Variants in BAZ1A observed in about 807,000 individuals in gnomAD.
BAZ1A encodes the protein bromodomain adjacent to zinc finger domain protein 1A.
Under a neutral mutation model 185.2 loss-of-function variants are expected in BAZ1A, and 50 were observed. The observed-to-expected ratio is 0.27, with a 90% confidence interval of 0.22 to 0.34. The LOEUF (loss-of-function observed/expected upper bound fraction) is 0.34. Ranked by LOEUF, BAZ1A falls within the 10% of genes least tolerant of loss-of-function variation. The pLI, the probability that BAZ1A is intolerant of heterozygous loss-of-function variation, is 1.00. For synonymous variants in BAZ1A, 571 were observed against 615.6 expected (o/e 0.93, Z 1.07); for missense variants, 1,356 against 1,839.9 (o/e 0.74, Z 4.81).
chr14:34,847,541 A>G (rs943004669), intron 3 of BAZ1A, among the ~76,000 whole-genome samples: 1 of 152,116 alleles, frequency 6.6e-6, no homozygotes, highest in African/African-American at 2.4e-5. Context: ...TTTTTTCTTC[A>G]TATTTCTACT....
intron 4 of BAZ1A, among the ~76,000 whole-genome samples, chr14:34,811,269 TA>T (rs2041926790): frequency 6.6e-6 from 1 of 151,952 alleles, no homozygotes; most frequent in Non-Finnish European, 1.5e-5. Context: ...CTCAACCTCT[TA>T]AGTAGCTGGG....
rs900135769 is a variant in BAZ1A at position 34,856,495 on chromosome 14, T to C, written c.392+5549A>G. 3.3e-5 allele frequency among the ~76,000 whole-genome samples: 5 copies of C among 152,048 alleles called. No individual in the cohort carries two copies. In the South Asian group the frequency reaches 1.0e-3, roughly 32 times the overall value. On this transcript the variant is annotated intron_variant, in intron 3 of 26. Coordinates refer to ENST00000360310, the MANE Select transcript of BAZ1A (RefSeq NM_013448.3). ...AGAGACAGGGTCTCACCGTGTTGCCTAGGCTGCTTAGAGCATCTTAATTCT... is the reference window on the plus strand; with the variant it reads ...AGAGACAGGGTCTCACCGTGTTGCCCAGGCTGCTTAGAGCATCTTAATTCT...
At chr14:34,795,297 T>C (rs570878947) in intron 10 of BAZ1A, among the ~76,000 whole-genome samples, 53 of 152,360 alleles carry the variant, frequency 3.5e-4, no homozygotes, top group African/African-American at 1.3e-3. Flanking sequence ...AATTTTGATT[T>C]ACTGAAATTA....
chr14:34,823,585 G>A (rs930220705), intron 4 of BAZ1A, among the ~76,000 whole-genome samples: 1 of 151,624 alleles, frequency 6.6e-6, no homozygotes, highest in East Asian at 1.9e-4. Flanking sequence ...ACTTGAACCC[G>A]AGAGATGGGG....
In BAZ1A at chr14:34,783,385, T is replaced by C. The variant is rs536690592; in HGVS notation, c.1998-153A>G. Reference sequence around the variant, plus strand: ...TTCATAAGCTTTTTTTTTTTTTTTTTGAGACAGAGTTTCACTCTTCTGCCC... The same window carrying C: ...TTCATAAGCTTTTTTTTTTTTTTTTCGAGACAGAGTTTCACTCTTCTGCCC... On this transcript the variant is annotated intron_variant, in intron 15 of 26. Transcript: ENST00000360310. Among the ~76,000 whole-genome samples the C allele has an allele frequency of 8.6e-5, 13 of 150,480 alleles. No individual in the cohort carries two copies. In the South Asian group the frequency reaches 2.7e-3, roughly 32 times the overall value.
chr14:34,845,804 T>A (rs970951369), intron 3 of BAZ1A, among the ~76,000 whole-genome samples: 8 of 145,868 alleles, frequency 5.5e-5, no homozygotes, highest in Middle Eastern at 3.5e-3. Context: ...GGGGTTGCAG[T>A]GAGCCGAGAT....
chr14:34,772,106 C>T (rs1205571424), intron 20 of BAZ1A, among the ~76,000 whole-genome samples: 1 of 152,010 alleles, frequency 6.6e-6, no homozygotes, highest in African/African-American at 2.4e-5. Context: ...AGGTGCCCAC[C>T]ACCGTGCCCG....
intron 3 of BAZ1A, among the ~76,000 whole-genome samples, chr14:34,832,215 C>CACACATATATATATATAT: frequency 2.5e-4 from 22 of 89,702 alleles, no homozygotes; most frequent in African/African-American, 7.1e-4. Context: ...CACACACACA[C>CACACATATATATATATAT]ATATATATAT....
At chr14:34,804,163 A>G (rs1174187806) in intron 6 of BAZ1A, among the ~76,000 whole-genome samples, 4 of 152,100 alleles carry the variant, frequency 2.6e-5, no homozygotes, top group Admixed American at 1.3e-4. Context: ...GCGTGCCACC[A>G]CATCTGGCTA....
chr14:34,807,299 C>A, intron 6 of BAZ1A, 152 bp downstream of exon 6: 1 of 482,640 alleles, frequency 2.1e-6, no homozygotes, highest in Non-Finnish European at 3.5e-6. Flanking sequence ...GTAATTAATC[C>A]AATATTTTTC....
At chr14:34,790,756 G>C (rs1007337188) in intron 12 of BAZ1A, among the ~76,000 whole-genome samples, 44 of 152,154 alleles carry the variant, frequency 2.9e-4, no homozygotes, top group African/African-American at 1.1e-3. Flanking sequence ...TACTTACTTA[G>C]AGAGATACAT....
Position 34,806,333 on chromosome 14 carries a change from T to G in BAZ1A, c.726+1118A>C, listed in dbSNP as rs143393246. ...TTTTATTTTAAGTTCAGGGGTGCAT[T>G]TGCAGGTTTGTTACATAGTTAACGT... is the stretch of plus-strand genomic sequence containing the variant. On this transcript the variant is annotated intron_variant, in intron 6 of 26. Transcript: ENST00000360310. 2.2e-4 allele frequency among the ~76,000 whole-genome samples: 33 copies of G among 152,278 alleles called. No individual in the cohort carries two copies. The East Asian group carries it at 6.0e-3, about 28-fold the overall frequency.
At chr14:34,824,549 A>C (rs1163932020) in intron 4 of BAZ1A, among the ~76,000 whole-genome samples, 2 of 152,096 alleles carry the variant, frequency 1.3e-5, no homozygotes, top group African/African-American at 4.8e-5. Context: ...AACCTTCCTA[A>C]GTCTCAGGTT....
intron 12 of BAZ1A, 118 bp downstream of exon 12, chr14:34,792,657 A>C: frequency 8.4e-7 from 1 of 1,191,684 alleles, no homozygotes; most frequent in Non-Finnish European, 1.2e-6. Flanking sequence ...AACATCAGGT[A>C]ACCTGAACAA....
chr14:34,776,975 A>C (rs1460036575), intron 17 of BAZ1A, among the ~76,000 whole-genome samples: 2 of 152,198 alleles, frequency 1.3e-5, no homozygotes, highest in African/African-American at 4.8e-5. Context: ...GCCCAAGCAG[A>C]CTAATACACT....
Position 34,783,199 on chromosome 14 carries a change from C to T in BAZ1A, c.2031G>A (p.Glu677=), listed in dbSNP as rs771482768. Residue 677 remains glutamate, a synonymous_variant, in exon 16 of 27, where the codon GAG becomes GAA. Transcript: ENST00000360310. ...GTTTCTCTTTCATTTTTTGTTCTTGCTCCTTAAGTTTTTCTTCCTTCCTTT... is the reference window on the plus strand; with the variant it reads ...GTTTCTCTTTCATTTTTTGTTCTTGTTCCTTAAGTTTTTCTTCCTTCCTTT... ...IRKRKEEKLK[E]QEQKMKEKQE... 2 of 1,599,766 alleles carry T rather than the reference C, an allele frequency of 1.3e-6. No individual in the cohort carries two copies. The highest frequency in any genetic ancestry group is 1.7e-6 in the Non-Finnish European group (2 of 1,171,706).
chr14:34,834,828 A>G (rs1258299724), intron 3 of BAZ1A, among the ~76,000 whole-genome samples: 1 of 152,204 alleles, frequency 6.6e-6, no homozygotes, highest in Non-Finnish European at 1.5e-5. Context: ...AAAAAAACAG[A>G]GAATCATGAA....
Position 34,765,021 on chromosome 14 carries a change from C to T in BAZ1A, c.3549G>A (p.Lys1183=). 1 of 1,613,774 alleles carries T rather than the reference C, an allele frequency of 6.2e-7. No homozygotes were observed. The change falls in exon 22 of 27, where the codon AAG becomes AAA. Residue 1183 remains lysine (K), a splice_region_variant and synonymous_variant. Coordinates refer to ENST00000360310, the MANE Select transcript of BAZ1A (RefSeq NM_013448.3). The stretch of plus-strand genomic sequence containing the variant: ...TAATCTGATAAGAAGAAAAAAATAC[C>T]TTGAGCTTTGGTCGAACACAGTAGG... ...HHTYCVRPKL[K]TVPEGDWFCP... is the part of the protein sequence containing the mutation.
chr14:34,849,884 C>T (rs767790689), intron 3 of BAZ1A, among the ~76,000 whole-genome samples: 17 of 152,166 alleles, frequency 1.1e-4, no homozygotes, highest in Non-Finnish European at 2.5e-4. Flanking sequence ...CTTTCAGCTC[C>T]CAGAACATCT....
Sources: allele counts gnomAD v4.1 joint callset (sites outside exome capture counted in the v4.1 genomes callset), GRCh38; gene constraint gnomAD v4.1.1; transcripts MANE v1.5; gene names NCBI Gene and HGNC (gene_info 2026-07-23, HGNC 2026-07-21).